The following RBFOX1 variants were observed in gnomAD, a reference collection of about 807,000 sequenced individuals.
RBFOX1 encodes RNA binding protein fox-1 homolog 1.
In RBFOX1, 8 loss-of-function variants were observed where a neutral mutation model predicts 57.7. The observed-to-expected ratio is 0.14, with a 90% confidence interval of 0.08 to 0.25. The LOEUF (loss-of-function observed/expected upper bound fraction) is 0.25. RBFOX1 is among the 10% of genes least tolerant of loss of function. The pLI is 1.00. For synonymous variants in RBFOX1, 326 were observed against 222.4 expected, an observed-to-expected ratio of 1.47 and a Z score of -4.15; for missense variants, 611 against 548.5, an observed-to-expected ratio of 1.11 and a Z score of -1.14.
chr16:7,695,510 G>A (rs978482378), intron 14 of RBFOX1, among the ~76,000 whole-genome samples: 4 of 152,004 alleles, frequency 2.6e-5, no homozygotes, highest in South Asian at 2.1e-4. Context: ...AAAATTAGCC[G>A]GGTGTGGTGG....
At chr16:7,544,211 T>A (rs2083779618) in intron 5 of RBFOX1, among the ~76,000 whole-genome samples, 1 of 152,218 alleles carries the variant, frequency 6.6e-6, no homozygotes, top group African/African-American at 2.4e-5. Flanking sequence ...GAGGTGAAAG[T>A]TACTTGATGG....
chr16:6,247,461 C>G (rs2097575615), intron 1 of RBFOX1, among the ~76,000 whole-genome samples: 2 of 152,124 alleles, frequency 1.3e-5, no homozygotes, highest in African/African-American at 4.8e-5. Flanking sequence ...GCAGTTAGCT[C>G]ATGAATGAGA....
At chr16:5,689,982 G>A (rs1264858859) in intron 3 of RBFOX1, among the ~76,000 whole-genome samples, 1 of 152,154 alleles carries the variant, frequency 6.6e-6, no homozygotes, top group Non-Finnish European at 1.5e-5. Flanking sequence ...GGGGAGTGCT[G>A]CTTGCACATG....
At chr16:7,417,176 C>T (rs1015324119) in intron 4 of RBFOX1, among the ~76,000 whole-genome samples, 1 of 151,940 alleles carries the variant, frequency 6.6e-6, no homozygotes, top group Non-Finnish European at 1.5e-5. Flanking sequence ...TTGAGACCAT[C>T]CTGGCCAACA....
intron 4 of RBFOX1, among the ~76,000 whole-genome samples, chr16:7,381,977 C>T (rs1390730370): frequency 6.6e-6 from 1 of 152,168 alleles, no homozygotes; most frequent in Non-Finnish European, 1.5e-5. Context: ...AAATGTTTCT[C>T]CCTTTGAGAA....
At chr16:6,693,091 CCATCAT>C (rs55687952) in intron 3 of RBFOX1, among the ~76,000 whole-genome samples, 1 of 149,122 alleles carries the variant, frequency 6.7e-6, no homozygotes, top group Non-Finnish European at 1.5e-5. Flanking sequence ...ACCATCACAA[CCATCAT>C]CATCATCCTC....
intron 2 of RBFOX1, among the ~76,000 whole-genome samples, chr16:6,428,425 A>G (rs1211131374): frequency 4.1e-4 from 62 of 152,166 alleles, no homozygotes; most frequent in Non-Finnish European, 4.4e-5. Context: ...ATACAAAACT[A>G]ATGTATGTGT....
intron 4 of RBFOX1, among the ~76,000 whole-genome samples, chr16:7,395,585 C>T (rs1019377460): frequency 6.6e-6 from 1 of 152,164 alleles, no homozygotes. Flanking sequence ...CAAGGCGAGA[C>T]AAAAGCTTAT....
At chr16:6,124,775 G>C (rs751249638) in intron 1 of RBFOX1, among the ~76,000 whole-genome samples, 2 of 152,010 alleles carry the variant, frequency 1.3e-5, no homozygotes, top group Non-Finnish European at 2.9e-5. Context: ...TGATCTGCCC[G>C]CCTTGGCCTT....
chr16:5,583,085 C>G (rs1433571875), intron 2 of RBFOX1, among the ~76,000 whole-genome samples: 1 of 152,202 alleles, frequency 6.6e-6, no homozygotes, highest in Non-Finnish European at 1.5e-5. Context: ...AGAGGTTGAG[C>G]CTGACTTTGA....
intron 2 of RBFOX1, among the ~76,000 whole-genome samples, chr16:5,506,486 C>G (rs1014726198): frequency 5.3e-5 from 8 of 152,166 alleles, no homozygotes; most frequent in Non-Finnish European, 1.0e-4. Flanking sequence ...AGGAATGTCC[C>G]CAGTGCAAAA....
At chr16:6,582,310 G>GA (rs962767370) in intron 2 of RBFOX1, among the ~76,000 whole-genome samples, 1 of 152,034 alleles carries the variant, frequency 6.6e-6, no homozygotes, top group Non-Finnish European at 1.5e-5. Flanking sequence ...ATTCTGATGA[G>GA]AAAAATAATG....
chr16:6,245,107 GA>G (rs1453743363), intron 1 of RBFOX1, among the ~76,000 whole-genome samples: 2 of 152,088 alleles, frequency 1.3e-5, no homozygotes, highest in African/African-American at 4.8e-5. Flanking sequence ...GAACATTGCT[GA>G]ATCATAGTAG....
chr16:7,208,085 G>C lies in RBFOX1; in HGVS notation c.27+155987G>C, dbSNP rs561105963. On this transcript the variant is annotated intron_variant, in intron 4 of 15. Coordinates refer to ENST00000550418, the MANE Select transcript of RBFOX1 (RefSeq NM_018723.4). Reference sequence around the variant, plus strand: ...CATCAATCCTGCAACAGGGAAGCAAGAGCAACTTTGGTGGTTACAGGAAAA... The same window carrying C: ...CATCAATCCTGCAACAGGGAAGCAACAGCAACTTTGGTGGTTACAGGAAAA... Among the ~76,000 whole-genome samples the C allele has an allele frequency of 5.9e-5, 9 of 152,324 alleles. No individual in the cohort carries two copies. In the East Asian group the frequency reaches 1.7e-3, roughly 29 times the overall value.
At chr16:6,113,689 C>A (rs1038502810) in intron 1 of RBFOX1, among the ~76,000 whole-genome samples, 1 of 152,220 alleles carries the variant, frequency 6.6e-6, no homozygotes, top group African/African-American at 2.4e-5. Context: ...AAAGAAGAAG[C>A]TGAAACTGGA....
intron 9 of RBFOX1, 65 bp from the exon 10 acceptor site, chr16:7,607,220 C>A (rs561397585): frequency 1.4e-6 from 2 of 1,409,702 alleles, no homozygotes; most frequent in South Asian, 2.5e-5. Context: ...ATTTGTGATT[C>A]ATTTGCAATT....
chr16:6,826,560 G>A (rs1382771882), intron 3 of RBFOX1, among the ~76,000 whole-genome samples: 1 of 152,122 alleles, frequency 6.6e-6, no homozygotes, highest in African/African-American at 2.4e-5. Context: ...GTGCTTGCGG[G>A]CATGCGTGCT....
At chr16:6,615,487 T>A (rs79008576) in intron 2 of RBFOX1, among the ~76,000 whole-genome samples, 1 of 151,892 alleles carries the variant, frequency 6.6e-6, no homozygotes, top group Non-Finnish European at 1.5e-5. Flanking sequence ...GAAGAATTGC[T>A]TGAACCCAAG....
chr16:6,005,435 C>A (rs548283488), intron 4 of RBFOX1, among the ~76,000 whole-genome samples: 9 of 152,306 alleles, frequency 5.9e-5, no homozygotes, highest in African/African-American at 2.2e-4. Context: ...AGTGTCCCTG[C>A]CCCCAAGGAG....
Sources: gnomAD v4.1 joint callset for allele counts (sites outside exome capture counted in the v4.1 genomes callset) on GRCh38, gnomAD v4.1.1 for gene constraint, MANE v1.5 for transcripts, NCBI Gene and HGNC (gene_info 2026-07-23, HGNC 2026-07-21) for gene names.